NTM: variants seen among roughly 807,000 people sequenced by gnomAD.
The protein encoded by NTM is neurotrimin.
In NTM, 13 loss-of-function variants were observed where a neutral mutation model predicts 42.1. The ratio of observed to expected loss-of-function variants is 0.31; its 90% CI spans 0.20 to 0.49. The LOEUF is 0.49. Ranked by LOEUF, NTM falls within the 20% of genes least tolerant of loss-of-function variation. The pLI is 0.99. For synonymous variants in NTM, 187 were observed against 179.2 expected, an observed-to-expected ratio of 1.04 and a Z score of -0.35; for missense variants, 373 against 452.8, an observed-to-expected ratio of 0.82 and a Z score of 1.60.
chr11:132,128,993 A>G (rs1394205124), intron 2 of NTM, among the ~76,000 whole-genome samples: 1 of 148,574 alleles, frequency 6.7e-6, no homozygotes, highest in Non-Finnish European at 1.5e-5. Context: ...AGAAATCACT[A>G]TCGACAGTGT....
intron 1 of NTM, among the ~76,000 whole-genome samples, chr11:131,571,126 G>GTGGC (rs2057402861): frequency 6.6e-6 from 1 of 152,242 alleles, no homozygotes; most frequent in Non-Finnish European, 1.5e-5. Flanking sequence ...GGGGATAATA[G>GTGGC]TGGCTCCTCA....
intron 1 of NTM, among the ~76,000 whole-genome samples, chr11:131,574,280 A>G (rs991337320): frequency 3.9e-5 from 6 of 152,178 alleles, no homozygotes; most frequent in African/African-American, 1.4e-4. Context: ...CAGTCCAGTT[A>G]GTGACCCATT....
intron 2 of NTM, among the ~76,000 whole-genome samples, chr11:132,050,572 T>C (rs2078712476): frequency 6.6e-6 from 1 of 152,172 alleles, no homozygotes; most frequent in Non-Finnish European, 1.5e-5. Flanking sequence ...ACACAAATAA[T>C]GGCTTCCAAT....
intron 1 of NTM, among the ~76,000 whole-genome samples, chr11:131,865,081 C>T (rs977570738): frequency 3.9e-5 from 6 of 152,194 alleles, no homozygotes; most frequent in African/African-American, 1.4e-4. Context: ...TGAGCACATG[C>T]TTCATTTTCT....
At chr11:131,426,798 G>A (rs1565489410) in intron 1 of NTM, among the ~76,000 whole-genome samples, 1 of 152,192 alleles carries the variant, frequency 6.6e-6, no homozygotes, top group East Asian at 1.9e-4. Flanking sequence ...AGGAAGAGCT[G>A]GCATATTTTC....
intron 4 of NTM, among the ~76,000 whole-genome samples, chr11:132,213,352 A>G (rs890404605): frequency 1.3e-5 from 2 of 152,144 alleles, no homozygotes; most frequent in Admixed American, 6.5e-5. Flanking sequence ...ATTGCCCTTC[A>G]GAAGGTTCCC....
intron 2 of NTM, among the ~76,000 whole-genome samples, chr11:131,958,575 C>T (rs924614621): frequency 1.3e-5 from 2 of 152,184 alleles, no homozygotes; most frequent in African/African-American, 4.8e-5. Flanking sequence ...TGAACACCGT[C>T]CTTCCTCCAC....
At position 131,629,045 on chromosome 11, in the gene NTM, G is replaced by A. The variant is rs573449950; in HGVS notation, c.82+258157G>A. ...AATCGGCAATAAGCCGTGTCTGTCC[G>A]ATCTGTTTTCTGCTCTATGTTAGTG... On this transcript the variant is annotated intron_variant, in intron 1 of 8. Coordinates refer to ENST00000683400, the MANE Select transcript of NTM (RefSeq NM_001352005.2). 9.2e-5 allele frequency among the ~76,000 whole-genome samples: 14 copies of A among 152,344 alleles called. No homozygotes were observed. In the South Asian group the frequency reaches 2.1e-3, roughly 23 times the overall value.
In NTM at chr11:131,768,125, T is replaced by A. The variant is rs1031805686; in HGVS notation, c.83-143439T>A. Among the ~76,000 whole-genome samples the A allele has an allele frequency of 3.2e-4, 47 of 149,034 alleles. No individual in the cohort carries two copies. In the East Asian group the frequency reaches 4.1e-3, roughly 13 times the overall value. On this transcript the variant is annotated intron_variant, in intron 1 of 8. Coordinates refer to ENST00000683400, the MANE Select transcript of NTM (RefSeq NM_001352005.2). ...ATTGAACACTTGCAAAAACTTATTTTTTTTTTTTTTTTTTGAGACGGAGTC... is the reference window on the plus strand; with the variant it reads ...ATTGAACACTTGCAAAAACTTATTTATTTTTTTTTTTTTTGAGACGGAGTC...
intron 1 of NTM, among the ~76,000 whole-genome samples, chr11:131,608,646 G>A (rs998723617): frequency 1.1e-4 from 9 of 82,608 alleles, no homozygotes; most frequent in South Asian, 3.9e-4. Flanking sequence ...GTCCATTCCC[G>A]CCTTTCTTTT....
chr11:131,614,251 C>G (rs1383112556), intron 1 of NTM, among the ~76,000 whole-genome samples: 1 of 152,312 alleles, frequency 6.6e-6, no homozygotes, highest in Non-Finnish European at 1.5e-5. Flanking sequence ...GGCTCTACTT[C>G]TAGGATCATC....
chr11:132,250,664 TA>T (rs1341858536), intron 4 of NTM, among the ~76,000 whole-genome samples: 3 of 152,172 alleles, frequency 2.0e-5, no homozygotes, highest in African/African-American at 7.2e-5. Context: ...CATATTCTTT[TA>T]CACCTTTACA....
chr11:132,081,600 C>G (rs1248128477), intron 2 of NTM, among the ~76,000 whole-genome samples: 1 of 151,756 alleles, frequency 6.6e-6, no homozygotes, highest in Non-Finnish European at 1.5e-5. Context: ...GACGTGGTGG[C>G]GGGCACCTGT....
intron 1 of NTM, among the ~76,000 whole-genome samples, chr11:131,837,945 T>G (rs1422385999): frequency 6.6e-6 from 1 of 152,070 alleles, no homozygotes; most frequent in Non-Finnish European, 1.5e-5. Context: ...CTAACACGAG[T>G]TTTCAGACAG....
At chr11:131,477,536 C>T (rs1953080929) in intron 1 of NTM, among the ~76,000 whole-genome samples, 1 of 151,784 alleles carries the variant, frequency 6.6e-6, no homozygotes, top group Admixed American at 6.6e-5. Context: ...GATTCCAGGA[C>T]ACAGAGGATG....
At chr11:132,195,947 T>A (rs2080141593) in intron 3 of NTM, among the ~76,000 whole-genome samples, 1 of 152,126 alleles carries the variant, frequency 6.6e-6, no homozygotes, top group Non-Finnish European at 1.5e-5. Flanking sequence ...GAGCCCCAAA[T>A]TGACAAGTGA....
chr11:132,257,052 G>A (rs953109738), intron 4 of NTM, among the ~76,000 whole-genome samples: 12 of 152,210 alleles, frequency 7.9e-5, no homozygotes, highest in African/African-American at 2.4e-4. Flanking sequence ...GCTGGCAAAG[G>A]CTCTGTGCCA....
chr11:131,490,931 G>T (rs898424559), intron 1 of NTM, among the ~76,000 whole-genome samples: 3 of 152,164 alleles, frequency 2.0e-5, no homozygotes, highest in Admixed American at 6.5e-5. Flanking sequence ...TAGCTGTTCT[G>T]CTGTAGGGAT....
intron 1 of NTM, among the ~76,000 whole-genome samples, chr11:131,392,636 T>C (rs1944153509): frequency 6.6e-6 from 1 of 152,180 alleles, no homozygotes; most frequent in Admixed American, 6.5e-5. Flanking sequence ...GAGGAGTTGA[T>C]GGGCACCTGC....
Sources: gnomAD v4.1 joint callset for allele counts (sites outside exome capture counted in the v4.1 genomes callset) on GRCh38, gnomAD v4.1.1 for gene constraint, MANE v1.5 for transcripts, NCBI Gene and HGNC (gene_info 2026-07-23, HGNC 2026-07-21) for gene names.